Variants in SUGCT observed in about 807,000 individuals in gnomAD.
SUGCT encodes the protein succinyl-CoA:glutarate-CoA transferase.
In SUGCT, 41 loss-of-function variants were observed where a neutral mutation model predicts 55.0. The ratio of observed to expected loss-of-function variants is 0.74; its 90% CI spans 0.58 to 0.97. The LOEUF is 0.97. Ranked by LOEUF, SUGCT falls within the 50% of genes least tolerant of loss-of-function variation. SUGCT has a pLI of 0.00. For synonymous variants in SUGCT, 187 were observed against 200.4 expected, an observed-to-expected ratio of 0.93 and a Z score of 0.56; for missense variants, 568 against 547.8, an observed-to-expected ratio of 1.04 and a Z score of -0.37.
chr7:40,819,221 T>C (rs566761059), intron 13 of SUGCT, among the ~76,000 whole-genome samples: 1 of 152,156 alleles, frequency 6.6e-6, no homozygotes, highest in Non-Finnish European at 1.5e-5. Context: ...TAAACATATA[T>C]GTGCATGTGT....
At chr7:40,404,623 G>C (rs1042512644) in intron 9 of SUGCT, among the ~76,000 whole-genome samples, 11 of 152,182 alleles carry the variant, frequency 7.2e-5, no homozygotes, top group African/African-American at 2.4e-4. Context: ...TTTTAGTAGA[G>C]ACAGGGTTTT....
chr7:41,011,547 A>G, the SUGCT span, among the ~76,000 whole-genome samples: 1 of 152,240 alleles, frequency 6.6e-6, no homozygotes, highest in Admixed American at 6.5e-5. Context: ...ACCATACCCC[A>G]GACTTACTAA....
rs149379352 is a variant in SUGCT, at chr7:40,406,204, T to A, written c.817-43083T>A. Among the ~76,000 whole-genome samples the A allele has an allele frequency of 2.6e-4, 39 of 152,242 alleles. 2 individuals carry two copies. In the East Asian group the frequency reaches 7.1e-3, roughly 28 times the overall value. On this transcript the variant is annotated intron_variant, in intron 9 of 13. Transcript: ENST00000335693. ...CAGATGAGATGATACAGTGTACTAG[T>A]CTGGATGACGCCAGCTGGTTCATCA...
At chr7:40,703,061 CTTTT>C (rs58887234) in intron 12 of SUGCT, among the ~76,000 whole-genome samples, 140 of 115,782 alleles carry the variant, frequency 1.2e-3, no homozygotes, top group African/African-American at 4.8e-3. Context: ...TTCAGCCTAG[CTTTT>C]TTTTTTTTTT....
chr7:40,224,361 T>C (rs1418401880), intron 6 of SUGCT, among the ~76,000 whole-genome samples: 1 of 151,968 alleles, frequency 6.6e-6, no homozygotes, highest in Admixed American at 6.6e-5. Flanking sequence ...TTTCCCTCCT[T>C]ATTTGAATAA....
intron 9 of SUGCT, among the ~76,000 whole-genome samples, chr7:40,367,038 G>A (rs1339652532): frequency 6.6e-6 from 1 of 152,176 alleles, no homozygotes; most frequent in East Asian, 1.9e-4. Flanking sequence ...ATGATAGACT[G>A]GTTTAAGAAA....
intron 13 of SUGCT, among the ~76,000 whole-genome samples, chr7:40,772,475 A>G (rs898974319): frequency 6.6e-6 from 1 of 151,898 alleles, no homozygotes; most frequent in Admixed American, 6.6e-5. Context: ...GCATATCCTT[A>G]TGTGTCAATT....
At chr7:40,620,814 T>C (rs1400133773) in intron 12 of SUGCT, among the ~76,000 whole-genome samples, 1 of 152,252 alleles carries the variant, frequency 6.6e-6, no homozygotes, top group Non-Finnish European at 1.5e-5. Flanking sequence ...TGTTAATTTA[T>C]AGGACTGCTT....
At chr7:40,529,632 C>G (rs1004849893) in intron 12 of SUGCT, among the ~76,000 whole-genome samples, 1 of 152,156 alleles carries the variant, frequency 6.6e-6, no homozygotes, top group African/African-American at 2.4e-5. Flanking sequence ...GGAACACCCT[C>G]TTGGGAAGAA....
chr7:41,020,447 T>TTTAA, the SUGCT span, among the ~76,000 whole-genome samples: 1 of 152,206 alleles, frequency 6.6e-6, no homozygotes, highest in Non-Finnish European at 1.5e-5. Flanking sequence ...TTTGAAAAGT[T>TTTAA]TCATTATTAA....
chr7:40,318,141 A>G lies in SUGCT; in HGVS notation c.816+1286A>G, dbSNP rs569548349. Among the ~76,000 whole-genome samples the G allele has an allele frequency of 3.9e-5, 6 of 152,276 alleles. No individual in the cohort carries two copies. In the East Asian group the frequency reaches 7.7e-4, roughly 20 times the overall value. ...CAGATTTAGTCTTTTTGTTTTTCAG[A>G]TAAGAAATCTGATACCTAGATTGGG... On this transcript the variant is annotated intron_variant, in intron 9 of 13. Coordinates refer to ENST00000335693, the MANE Select transcript of SUGCT (RefSeq NM_001193313.2).
At chr7:40,181,188 A>G (rs1197786683) in intron 2 of SUGCT, among the ~76,000 whole-genome samples, 190 bp downstream of exon 2, 1 of 152,174 alleles carries the variant, frequency 6.6e-6, no homozygotes, top group Non-Finnish European at 1.5e-5. Context: ...GCCTTTTCCC[A>G]ATGTATATTT....
intron 8 of SUGCT, among the ~76,000 whole-genome samples, chr7:40,303,896 G>A (rs1218845263): frequency 6.6e-6 from 1 of 151,998 alleles, no homozygotes; most frequent in East Asian, 1.9e-4. Flanking sequence ...AGGAGTGTGA[G>A]ACCAGCCTGG....
chr7:40,907,136 TG>T, the SUGCT span, among the ~76,000 whole-genome samples: 1 of 89,704 alleles, frequency 1.1e-5, no homozygotes, highest in Non-Finnish European at 2.4e-5. Context: ...TGTGTGTGTG[TG>T]TGTGAGAGAG....
intron 8 of SUGCT, among the ~76,000 whole-genome samples, chr7:40,279,569 C>T (rs1328402034): frequency 6.6e-6 from 1 of 151,976 alleles, no homozygotes; most frequent in Non-Finnish European, 1.5e-5. Flanking sequence ...TTAATGATGA[C>T]AACATTAATT....
chr7:40,458,293 C>T (rs1000119377), intron 10 of SUGCT, among the ~76,000 whole-genome samples: 8 of 152,164 alleles, frequency 5.3e-5, no homozygotes, highest in African/African-American at 1.9e-4. Context: ...CAAGCACTGC[C>T]TCTACACAGT....
At chr7:40,183,006 C>T (rs1357906164) in intron 3 of SUGCT, among the ~76,000 whole-genome samples, 1 of 152,184 alleles carries the variant, frequency 6.6e-6, no homozygotes, top group Non-Finnish European at 1.5e-5. Flanking sequence ...GGCGTGGTGG[C>T]TTACGCCTGT....
At chr7:40,150,221 C>T (rs1397339155) in intron 1 of SUGCT, among the ~76,000 whole-genome samples, 2 of 152,220 alleles carry the variant, frequency 1.3e-5, no homozygotes, top group Admixed American at 6.5e-5. Context: ...GCTGGCCCCA[C>T]CTAGATCAAT....
At chr7:41,030,632 A>G in the SUGCT span, among the ~76,000 whole-genome samples, 5 of 152,162 alleles carry the variant, frequency 3.3e-5, no homozygotes, top group African/African-American at 7.2e-5. Flanking sequence ...ATTTTTATTT[A>G]GTATCTAAGG....
Sources: gnomAD v4.1 joint callset for allele counts (sites outside exome capture counted in the v4.1 genomes callset) on GRCh38, gnomAD v4.1.1 for gene constraint, MANE v1.5 for transcripts, NCBI Gene and HGNC (gene_info 2026-07-23, HGNC 2026-07-21) for gene names.